Variants in RP1 observed in about 807,000 individuals in gnomAD.
The protein encoded by RP1 is oxygen-regulated protein 1.
In RP1, 16 loss-of-function variants were observed where a neutral mutation model predicts 14.8. The ratio of observed to expected loss-of-function variants is 1.08; its 90% CI spans 0.73 to 1.65. The LOEUF is 1.65. RP1 is among the 40% of genes most tolerant of loss of function. The pLI is 0.00. For missense variants in RP1, 2,631 were observed against 2,535.0 expected (o/e 1.04, Z -0.81); for synonymous variants, 876 against 883.6 (o/e 0.99, Z 0.15).
intron 1 of RP1, among the ~76,000 whole-genome samples, chr8:54,603,290 A>G (rs1805339565): frequency 6.6e-6 from 1 of 151,932 alleles, no homozygotes; most frequent in Admixed American, 6.6e-5. Flanking sequence ...TTTATTAAAT[A>G]GGGAATCTTT....
Position 54,573,213 on chromosome 8 carries a change from G to T in RP1, c.-13+13893G>T, listed in dbSNP as rs191421637. Among the ~76,000 whole-genome samples the T allele has an allele frequency of 9.5e-4, 144 of 152,132 alleles. 1 individual carries two copies. Among genetic ancestry groups the T allele is most frequent in the Non-Finnish European group, 1.6e-3 (111 of 67,988 alleles). ...TCAGTCATCACCTTCTTTTTTTCCA[G>T]TAAGAATGAGGCATAACAGCTTGAG... On this transcript the variant is annotated intron_variant, in intron 1 of 22. Coordinates refer to the RP1 transcript ENST00000636932.
chr8:54,777,374 C>T (rs1810069870), intron 23 of RP1, among the ~76,000 whole-genome samples: 1 of 152,190 alleles, frequency 6.6e-6, no homozygotes, highest in Non-Finnish European at 1.5e-5. Context: ...ACAGGAATAA[C>T]AAGAGATTCG....
intron 3 of RP1, among the ~76,000 whole-genome samples, chr8:54,637,117 C>T (rs1806364349): frequency 6.6e-6 from 1 of 152,152 alleles, no homozygotes; most frequent in Non-Finnish European, 1.5e-5. Context: ...TTGAGGTTAG[C>T]CTTGTATGCC....
chr8:54,581,043 T>G (rs1401010064), intron 1 of RP1, among the ~76,000 whole-genome samples: 4 of 152,318 alleles, frequency 2.6e-5, no homozygotes, highest in Middle Eastern at 3.4e-3. Context: ...TTAAGGTATA[T>G]GTGCACAACG....
At chr8:54,847,806 G>A (rs1811964064) in intron 25 of RP1, among the ~76,000 whole-genome samples, 1 of 152,338 alleles carries the variant, frequency 6.6e-6, no homozygotes, top group East Asian at 1.9e-4. Flanking sequence ...GGCAGTGTGT[G>A]TGGGGTCCAC....
intron 1 of RP1, among the ~76,000 whole-genome samples, chr8:54,610,000 A>G (rs1805554452): frequency 6.6e-6 from 1 of 152,210 alleles, no homozygotes; most frequent in Non-Finnish European, 1.5e-5. Flanking sequence ...ACTAACAGAA[A>G]GAAAACTAGC....
chr8:54,751,126 G>C (rs989812806), intron 19 of RP1, among the ~76,000 whole-genome samples: 1 of 152,180 alleles, frequency 6.6e-6, no homozygotes, highest in African/African-American at 2.4e-5. Context: ...CTAACCCACC[G>C]GAAGGAACCA....
rs370407514 is a variant in RP1 at position 54,807,991 on chromosome 8, A to C, written c.3615+24281A>C. 1.2e-4 allele frequency among the ~76,000 whole-genome samples: 18 copies of C among 146,776 alleles called. No individual in the cohort carries two copies. In the East Asian group the frequency reaches 2.2e-3, roughly 18 times the overall value. ...TCTGATCTTATCCAAAAAAAAAAAA[A>C]CACCTTCTCAGGAACACTTAGAATA... On this transcript the variant is annotated intron_variant, in intron 24 of 28. Transcript: ENST00000637698.
chr8:54,811,510 T>G (rs990123948), intron 24 of RP1, among the ~76,000 whole-genome samples: 1 of 152,226 alleles, frequency 6.6e-6, no homozygotes, highest in African/African-American at 2.4e-5. Context: ...TAATTAACAT[T>G]TTAAGATCTG....
At chr8:54,663,618 G>T in intron 6 of RP1, 1 of 1,324,848 alleles carries the variant, frequency 7.5e-7, no homozygotes, top group Non-Finnish European at 9.7e-7. Context: ...TTCCACCATG[G>T]ATAAGAGGAG....
At chr8:54,593,456 T>C (rs1805081922) in intron 1 of RP1, among the ~76,000 whole-genome samples, 1 of 152,238 alleles carries the variant, frequency 6.6e-6, no homozygotes, top group African/African-American at 2.4e-5. Context: ...GTATTAGTTA[T>C]GTTGTAGTAA....
At chr8:54,756,339 T>C (rs555990917) in intron 21 of RP1, among the ~76,000 whole-genome samples, 7 of 152,280 alleles carry the variant, frequency 4.6e-5, no homozygotes, top group South Asian at 2.1e-4. Flanking sequence ...AAGGTACTAT[T>C]TGAGGGCCTG....
chr8:54,635,768 G>T (rs1806335695), downstream of RP1, among the ~76,000 whole-genome samples: 1 of 152,096 alleles, frequency 6.6e-6, no homozygotes. Flanking sequence ...AAATGTAACG[G>T]TCAACACCAG....
exon 22 of RP1, chr8:54,759,042 G>T: frequency 6.5e-7 from 1 of 1,535,484 alleles, no homozygotes; most frequent in Non-Finnish European, 8.7e-7. Flanking sequence ...CAGAGAGCCC[G>T]GCACCACATC....
In RP1 at chr8:54,819,057, A is replaced by C. The variant is rs200416510; in HGVS notation, c.3616-18393A>C. 2.9e-4 allele frequency among the ~76,000 whole-genome samples: 44 copies of C among 150,062 alleles called. No homozygotes were observed. The East Asian group carries it at 3.9e-3, about 13-fold the overall frequency. ...TTCATTATAAACTTTCTACCCACATATCTCTCTCTCTCTCTCTTCCTCCTT... is the reference window on the plus strand; with the variant it reads ...TTCATTATAAACTTTCTACCCACATCTCTCTCTCTCTCTCTCTTCCTCCTT... On this transcript the variant is annotated intron_variant, in intron 24 of 28. Transcript: ENST00000637698.
At chr8:54,775,178 G>T (rs1810003797) in intron 23 of RP1, among the ~76,000 whole-genome samples, 1 of 152,138 alleles carries the variant, frequency 6.6e-6, no homozygotes. Context: ...CTGCAAAAGT[G>T]GTCAGAGAGG....
chr8:54,658,852 G>T (rs536546011), intron 6 of RP1, among the ~76,000 whole-genome samples: 1 of 148,960 alleles, frequency 6.7e-6, no homozygotes, highest in East Asian at 2.0e-4. Context: ...TCCCACAAGG[G>T]TTCCAATTTC....
At chr8:54,670,669 T>TATATATA (rs1807153469) in intron 7 of RP1, among the ~76,000 whole-genome samples, 7 of 63,540 alleles carry the variant, frequency 1.1e-4, no homozygotes, top group African/African-American at 5.9e-4. Context: ...ATATATATGT[T>TATATATA]TTTATATATA....
intron 1 of RP1, among the ~76,000 whole-genome samples, chr8:54,609,300 A>T (rs558165101): frequency 6.6e-6 from 1 of 152,162 alleles, no homozygotes; most frequent in East Asian, 1.9e-4. Flanking sequence ...GTCTTAAAAA[A>T]AAAAATAGCT....
Sources: gnomAD v4.1 joint callset for allele counts (sites outside exome capture counted in the v4.1 genomes callset) on GRCh38, gnomAD v4.1.1 for gene constraint, MANE v1.5 for transcripts, NCBI Gene and HGNC (gene_info 2026-07-23, HGNC 2026-07-21) for gene names.